Variants in KAT7 observed in about 807,000 individuals in gnomAD.
The protein encoded by KAT7 is histone acetyltransferase KAT7.
A neutral mutation model predicts 82.1 loss-of-function variants in KAT7; 10 were observed. That is an observed-to-expected ratio of 0.12 (90% CI 0.08 to 0.21). The LOEUF is 0.21. KAT7 is among the 10% of genes least tolerant of loss of function. KAT7 has a pLI of 1.00. For missense variants in KAT7, 378 were observed against 760.9 expected (o/e 0.50, Z 5.92); for synonymous variants, 250 against 262.5 (o/e 0.95, Z 0.46).
intron 13 of KAT7, chr17:49,826,425 GTA>G (rs556701424): frequency 2.0e-6 from 1 of 499,820 alleles, no homozygotes; most frequent in Non-Finnish European, 3.6e-6. Flanking sequence ...ACATCCCTGT[GTA>G]TTTATGCAAG....
At chr17:49,792,919 C>T (rs905278788) in intron 2 of KAT7, among the ~76,000 whole-genome samples, 1 of 152,090 alleles carries the variant, frequency 6.6e-6, no homozygotes, top group Non-Finnish European at 1.5e-5. Flanking sequence ...TCAAGTGATC[C>T]TCCCACCTCA....
At position 49,830,566 on chromosome 17, in the gene KAT7, T is replaced by A. The variant is rs2074417341; in HGVS notation, c.*3064T>A. 2.0e-5 allele frequency: 3 copies of A among 152,302 alleles called. No homozygotes were observed. The South Asian group carries it at 6.2e-4, about 32-fold the overall frequency. 9.4% of individuals were successfully genotyped at this position (152,302 alleles called of 1,614,324 possible). On this transcript the variant is annotated 3_prime_UTR_variant, in exon 15 of 15. Coordinates refer to ENST00000259021, the MANE Select transcript of KAT7 (RefSeq NM_007067.5). ...TAGAAGAGCAAAAGTCTGAAATTAT[T>A]CCTGAAACCTGCTCAATGGAAGTAC...
Position 49,823,312 on chromosome 17 carries a change from A to T in KAT7, c.1480+17A>T. ...TTGATTTCAGTAAGTGAAACTGCTA[A>T]GTCATTAGTTCCACAAGGCAGGGAC... On this transcript the variant is annotated intron_variant, in intron 12 of 14. Coordinates refer to ENST00000259021, the MANE Select transcript of KAT7 (RefSeq NM_007067.5). The T allele has an allele frequency of 7.5e-7, 1 of 1,330,774 alleles. No homozygotes were observed. The highest frequency in any genetic ancestry group is 1.1e-6 in the Non-Finnish European group (1 of 923,080). The allele number at this position is 1,330,774 out of a possible 1,614,324, so 82.4% of individuals were successfully genotyped here.
intron 4 of KAT7, among the ~76,000 whole-genome samples, chr17:49,803,494 G>A (rs2074051410): frequency 1.3e-5 from 2 of 151,708 alleles, no homozygotes; most frequent in African/African-American, 4.9e-5. Flanking sequence ...GTGCAATCTC[G>A]GCTCACCGCA....
chr17:49,814,792 A>G (rs2074213478), intron 7 of KAT7, among the ~76,000 whole-genome samples: 1 of 152,198 alleles, frequency 6.6e-6, no homozygotes. Flanking sequence ...TAGAGTCCAA[A>G]TTTAAAAAGA....
intron 8 of KAT7, 151 bp downstream of exon 8, chr17:49,816,064 T>C (rs2074230160): frequency 1.7e-6 from 1 of 589,352 alleles, no homozygotes; most frequent in African/African-American, 1.9e-5. Context: ...TTTTGGAGAC[T>C]AGCCTTCCCT....
chr17:49,803,875 C>G (rs1007169563), intron 4 of KAT7, among the ~76,000 whole-genome samples: 2 of 151,274 alleles, frequency 1.3e-5, no homozygotes, highest in Non-Finnish European at 2.9e-5. Flanking sequence ...TTCTTCTTTA[C>G]CCCAAATTAA....
At chr17:49,803,675 C>T (rs1264876469) in intron 4 of KAT7, among the ~76,000 whole-genome samples, 2 of 151,932 alleles carry the variant, frequency 1.3e-5, no homozygotes, top group Non-Finnish European at 2.9e-5. Context: ...CCGCCTGCCT[C>T]GCCCTCCCAA....
intron 1 of KAT7, 144 bp downstream of exon 1, chr17:49,788,993 C>A: frequency 1.4e-5 from 10 of 690,216 alleles, no homozygotes; most frequent in East Asian, 3.4e-5. Flanking sequence ...TCTGTCCATA[C>A]CCAACAGAAA....
intron 3 of KAT7, 136 bp downstream of exon 3, chr17:49,797,062 A>G: frequency 3.2e-6 from 2 of 622,204 alleles, no homozygotes; most frequent in Non-Finnish European, 2.7e-6. Context: ...TTCCTTTCTT[A>G]TGTCTTTTTT....
At chr17:49,808,558 C>G (rs2074121422) in intron 5 of KAT7, among the ~76,000 whole-genome samples, 1 of 151,542 alleles carries the variant, frequency 6.6e-6, no homozygotes, top group Non-Finnish European at 1.5e-5. Flanking sequence ...TCAAGCAGTT[C>G]TCCTGCCTCA....
intron 8 of KAT7, among the ~76,000 whole-genome samples, chr17:49,816,959 G>A (rs1208199994): frequency 6.6e-6 from 1 of 151,982 alleles, no homozygotes; most frequent in African/African-American, 2.4e-5. Context: ...CTACAGGCAT[G>A]CCACTACACC....
In KAT7 at chr17:49,828,891, C is replaced by T. The variant is rs2074399377; in HGVS notation, c.*1389C>T. On this transcript the variant is annotated 3_prime_UTR_variant, in exon 15 of 15. Transcript: ENST00000259021. Reference sequence around the variant, plus strand: ...CATCTCTGTACACTACTTATATTCACTGTGGGTTGGGGGAGCTAATTTTAA... The same window carrying T: ...CATCTCTGTACACTACTTATATTCATTGTGGGTTGGGGGAGCTAATTTTAA... 1 of 153,304 alleles carries T rather than the reference C, an allele frequency of 6.5e-6. No homozygotes were observed. The highest frequency in any genetic ancestry group is 2.4e-5 in the African/African-American group (1 of 41,434). The allele number at this position is 153,304 out of a possible 1,614,324, so 9.5% of individuals were successfully genotyped here.
intron 2 of KAT7, among the ~76,000 whole-genome samples, chr17:49,794,624 C>T (rs2073931847): frequency 6.6e-6 from 1 of 152,178 alleles, no homozygotes; most frequent in Non-Finnish European, 1.5e-5. Flanking sequence ...TAGGAATTTA[C>T]AAGTTGAAAG....
Position 49,798,407 on chromosome 17 carries a change from C to A in KAT7, c.429C>A (p.Ser143=), listed in dbSNP as rs778497579. 5 of 1,614,238 alleles carry A rather than the reference C, an allele frequency of 3.1e-6. No homozygotes were observed. The highest frequency in any genetic ancestry group is 4.2e-6 in the Non-Finnish European group (5 of 1,180,032). ...APSSESDIDI[S]SPNVSHDESI... is the part of the protein sequence containing the mutation. ...CTTCTGAGTCTGACATAGACATCTCCAGCCCCAATGTATCTCACGATGAGA... is the reference window on the plus strand; with the variant it reads ...CTTCTGAGTCTGACATAGACATCTCAAGCCCCAATGTATCTCACGATGAGA... Residue 143 remains serine (S), a synonymous_variant, in exon 4 of 15, where the codon TCC becomes TCA. Transcript: ENST00000259021.
chr17:49,789,102 T>C (rs1249363335), intron 1 of KAT7: 1 of 377,220 alleles, frequency 2.7e-6, no homozygotes, highest in East Asian at 4.0e-5. Context: ...CGCTGAAACG[T>C]CTGGAAGCAT....
chr17:49,791,324 A>T (rs1234348572), intron 1 of KAT7, among the ~76,000 whole-genome samples: 1 of 152,166 alleles, frequency 6.6e-6, no homozygotes, highest in Admixed American at 6.5e-5. Flanking sequence ...TGATCTCCAA[A>T]TGGTCTTGGT....
intron 4 of KAT7, among the ~76,000 whole-genome samples, chr17:49,799,090 G>A (rs1253720964): frequency 6.6e-6 from 1 of 152,156 alleles, no homozygotes; most frequent in Non-Finnish European, 1.5e-5. Flanking sequence ...TTTCTTCTGT[G>A]ATAAATAAGT....
chr17:49,799,352 C>T (rs118188461), intron 4 of KAT7, among the ~76,000 whole-genome samples: 1 of 152,210 alleles, frequency 6.6e-6, no homozygotes, highest in East Asian at 1.9e-4. Context: ...GCTTGGCAGG[C>T]CAACAGTACA....
Sources: gnomAD v4.1 joint callset for allele counts (sites outside exome capture counted in the v4.1 genomes callset) on GRCh38, gnomAD v4.1.1 for gene constraint, MANE v1.5 for transcripts, NCBI Gene and HGNC (gene_info 2026-07-23, HGNC 2026-07-21) for gene names.